GABRG3: variants seen among roughly 807,000 people sequenced by gnomAD.
GABRG3 encodes the protein gamma-aminobutyric acid receptor subunit gamma-3.
GABRG3 carries 25 observed loss-of-function variants against 48.8 expected under a neutral mutation model. That is an observed-to-expected ratio of 0.51 (90% CI 0.37 to 0.72). GABRG3 has a LOEUF of 0.72. Ranked by LOEUF, GABRG3 falls within the 30% of genes least tolerant of loss-of-function variation. The probability of loss-of-function intolerance (pLI) is 0.00; values close to 1 mark genes in which losing one functional copy is unlikely to be tolerated. For synonymous variants in GABRG3, 227 were observed against 217.6 expected (o/e 1.04, Z -0.38); for missense variants, 394 against 577.9 (o/e 0.68, Z 3.26).
At chr15:27,463,233 A>G (rs935376435) in intron 5 of GABRG3, among the ~76,000 whole-genome samples, 1 of 152,232 alleles carries the variant, frequency 6.6e-6, no homozygotes, top group African/African-American at 2.4e-5. Context: ...AAAAGCAAAC[A>G]TATGTTCTAA....
At chr15:27,342,920 A>C (rs553562167) in intron 5 of GABRG3, among the ~76,000 whole-genome samples, 1 of 152,350 alleles carries the variant, frequency 6.6e-6, no homozygotes, top group East Asian at 1.9e-4. Context: ...AGCTTAAAGC[A>C]CAAGGTACAG....
intron 3 of GABRG3, among the ~76,000 whole-genome samples, chr15:27,306,736 C>A (rs1169752029): frequency 2.6e-5 from 3 of 115,358 alleles, no homozygotes; most frequent in African/African-American, 1.1e-4. Flanking sequence ...TATATATAAA[C>A]ATATACAATA....
At chr15:27,440,197 C>T (rs1045148483) in intron 5 of GABRG3, among the ~76,000 whole-genome samples, 2 of 152,220 alleles carry the variant, frequency 1.3e-5, no homozygotes, top group African/African-American at 4.8e-5. Context: ...GGCAATGCAC[C>T]GTCTTAACTC....
At position 27,368,604 on chromosome 15, in the gene GABRG3, T is replaced by A. The variant is rs188757612; in HGVS notation, c.574+39716T>A. Among the ~76,000 whole-genome samples, 337 of 152,106 alleles carry A rather than the reference T, an allele frequency of 2.2e-3. 2 individuals carry two copies. Among genetic ancestry groups the A allele is most frequent in the Middle Eastern group, 3.4e-3 (1 of 294 alleles). On this transcript the variant is annotated intron_variant, in intron 5 of 9. Coordinates refer to ENST00000615808, the MANE Select transcript of GABRG3 (RefSeq NM_033223.5). ...CATTTCACAGACCCTCACAACACCA[T>A]GTAAGTTAGGTTCCATTATTGTTAC... is the stretch of plus-strand genomic sequence containing the variant.
chr15:27,418,123 G>A (rs1408153635), intron 5 of GABRG3, among the ~76,000 whole-genome samples: 2 of 152,198 alleles, frequency 1.3e-5, no homozygotes, highest in African/African-American at 2.4e-5. Flanking sequence ...GAAACAGAGG[G>A]AAGGCAGCAG....
At chr15:27,023,505 T>G (rs886816505) in intron 2 of GABRG3, among the ~76,000 whole-genome samples, 5 of 152,192 alleles carry the variant, frequency 3.3e-5, no homozygotes, top group Admixed American at 1.3e-4. Flanking sequence ...AACATTGTAC[T>G]TTCTGTCTCT....
chr15:27,475,452 G>A (rs1482173730), intron 5 of GABRG3, among the ~76,000 whole-genome samples: 3 of 152,218 alleles, frequency 2.0e-5, no homozygotes, highest in African/African-American at 4.8e-5. Flanking sequence ...TGATGATGGC[G>A]ATGATTGTGA....
In GABRG3 at chr15:26,976,375, G is replaced by A. The variant is rs950111408; in HGVS notation, c.54-627G>A. The stretch of plus-strand genomic sequence containing the variant: ...TGAATCAGTTTGTGTTGACCGAGGC[G>A]TGCAAGATTGCTAGAGGGTCTTCAC... On this transcript the variant is annotated intron_variant, in intron 1 of 9. Transcript: ENST00000615808. The surrounding 1 kb of genome is among the most constrained non-coding windows in gnomAD (Gnocchi z 7.8). Among the ~76,000 whole-genome samples the A allele has an allele frequency of 9.9e-5, 15 of 152,230 alleles. No individual in the cohort carries two copies. The highest frequency in any genetic ancestry group is 3.4e-4 in the African/African-American group (14 of 41,468).
chr15:27,434,058 A>G (rs1432906212), intron 5 of GABRG3, among the ~76,000 whole-genome samples: 1 of 152,234 alleles, frequency 6.6e-6, no homozygotes, highest in Non-Finnish European at 1.5e-5. Context: ...AAAGGCCGTG[A>G]TCTGACCCAG....
chr15:27,434,652 A>G (rs1009293172), intron 5 of GABRG3, among the ~76,000 whole-genome samples: 1 of 152,216 alleles, frequency 6.6e-6, no homozygotes, highest in Non-Finnish European at 1.5e-5. Flanking sequence ...TGTGGAAATA[A>G]CAACAGTCCC....
At chr15:27,340,784 A>C (rs566043870) in intron 5 of GABRG3, 1 of 177,720 alleles carries the variant, frequency 5.6e-6, no homozygotes, top group African/African-American at 2.4e-5. Flanking sequence ...GTGCTGTCTT[A>C]CTGATGGGGC....
At chr15:27,436,211 C>G (rs1888604838) in intron 5 of GABRG3, among the ~76,000 whole-genome samples, 1 of 152,170 alleles carries the variant, frequency 6.6e-6, no homozygotes, top group Non-Finnish European at 1.5e-5. Flanking sequence ...GGGCCCACTT[C>G]CTGGTTTGCT....
chr15:27,161,378 C>T (rs1887181491), intron 3 of GABRG3: 1 of 152,078 alleles, frequency 6.6e-6, no homozygotes. Flanking sequence ...GTTCTCCTTG[C>T]CCCCCAAGTT....
rs568437474 is a variant in GABRG3, at chr15:27,259,876, T to G, written c.271-66933T>G. Among the ~76,000 whole-genome samples the G allele has an allele frequency of 7.2e-5, 11 of 152,160 alleles. No individual in the cohort carries two copies. In the East Asian group the frequency reaches 2.1e-3, roughly 30 times the overall value. ...AATTCAATGGCTAGAAAAACAGAAA[T>G]TTGTACCACAACACCTGTCTGTGAA... On this transcript the variant is annotated intron_variant, in intron 3 of 9. Transcript: ENST00000615808.
intron 5 of GABRG3, among the ~76,000 whole-genome samples, chr15:27,375,484 C>T (rs1895564871): frequency 6.6e-6 from 1 of 152,240 alleles, no homozygotes; most frequent in South Asian, 2.1e-4. Context: ...GGCATAAGGC[C>T]TGGGGCCATG....
At chr15:27,391,843 C>G (rs1286986156) in intron 5 of GABRG3, among the ~76,000 whole-genome samples, 1 of 152,144 alleles carries the variant, frequency 6.6e-6, no homozygotes, top group African/African-American at 2.4e-5. Flanking sequence ...CAGTGTTGTT[C>G]GCTAACCATA....
At chr15:27,237,469 C>G (rs946210831) in intron 3 of GABRG3, among the ~76,000 whole-genome samples, 1 of 152,170 alleles carries the variant, frequency 6.6e-6, no homozygotes, top group Non-Finnish European at 1.5e-5. Context: ...CTGGACCTCA[C>G]GCCAGCAGCC....
At chr15:26,993,526 T>A (rs976042167) in intron 2 of GABRG3, among the ~76,000 whole-genome samples, 10 of 152,162 alleles carry the variant, frequency 6.6e-5, no homozygotes, top group Admixed American at 5.9e-4. Context: ...AAAATTCCTC[T>A]TGTTATTATA....
At chr15:27,198,590 A>G (rs1888582286) in intron 3 of GABRG3, among the ~76,000 whole-genome samples, 1 of 152,210 alleles carries the variant, frequency 6.6e-6, no homozygotes, top group South Asian at 2.1e-4. Context: ...CAGTGTGGTG[A>G]TTCCTCAAGA....
Sources: allele counts gnomAD v4.1 joint callset (sites outside exome capture counted in the v4.1 genomes callset), GRCh38; gene constraint gnomAD v4.1.1; non-coding constraint Gnocchi (gnomAD v3.1); transcripts MANE v1.5; gene names NCBI Gene and HGNC (gene_info 2026-07-23, HGNC 2026-07-21).